DNAH2: variants seen among roughly 807,000 people sequenced by gnomAD.
DNAH2 encodes axonemal beta dynein heavy chain 2.
DNAH2 carries 323 observed loss-of-function variants against 523.5 expected under a neutral mutation model. The observed-to-expected ratio is 0.62, with a 90% CI of 0.56 to 0.68. DNAH2 has a LOEUF of 0.68. Ranked by LOEUF, DNAH2 falls within the 30% of genes least tolerant of loss-of-function variation. The probability of loss-of-function intolerance (pLI) is 0.00; values close to 1 mark genes in which losing one functional copy is unlikely to be tolerated. For missense variants in DNAH2, 4,907 were observed against 5,701.5 expected (o/e 0.86, Z 4.49); for synonymous variants, 2,093 against 2,177.4 (o/e 0.96, Z 1.08).
chr17:7,770,538 C>A lies in DNAH2; in HGVS notation c.4099-19C>A. The stretch of plus-strand genomic sequence containing the variant: ...TGAAGAGATACCTGACTGCTGTGTC[C>A]CCCAATTTCTCTCCACAGGCTTTAC... On this transcript the variant is annotated intron_variant, in intron 25 of 85. Transcript: ENST00000572933. The A allele has an allele frequency of 6.2e-7, 1 of 1,613,814 alleles. No individual in the cohort carries two copies. The highest frequency in any genetic ancestry group is 8.5e-7 in the Non-Finnish European group (1 of 1,179,774).
In DNAH2 at chr17:7,754,355, G is replaced by T. The variant is rs1163367981; in HGVS notation, c.1905-2736G>T. The stretch of plus-strand genomic sequence containing the variant: ...CTAGAATAGGCAGCCCAGGCTTCCG[G>T]TTCTAGGTGCTTCAGGAGCCGTGGC... On this transcript the variant is annotated intron_variant, in intron 12 of 85. Transcript: ENST00000572933. The surrounding 1 kb of genome is among the most constrained non-coding windows in gnomAD (Gnocchi z 4.6). 1.2e-5 allele frequency: 6 copies of T among 499,668 alleles called. 1 individual carries two copies. Among genetic ancestry groups the T allele is most frequent in the Admixed American group, 6.5e-5 (2 of 30,820 alleles). The allele number at this position is 499,668 out of a possible 1,614,324, so 31.0% of individuals were successfully genotyped here.
intron 63 of DNAH2, among the ~76,000 whole-genome samples, chr17:7,813,555 C>T (rs892265657): frequency 2.0e-5 from 3 of 151,754 alleles, no homozygotes; most frequent in Admixed American, 6.6e-5. Context: ...GATTTGGAAA[C>T]AAGTAAAAAA....
chr17:7,727,934 T>A (rs1245806531), intron 4 of DNAH2, among the ~76,000 whole-genome samples: 1 of 151,912 alleles, frequency 6.6e-6, no homozygotes, highest in Non-Finnish European at 1.5e-5. Context: ...CTATTTGAGC[T>A]GGGATGAAGG....
rs1352524123 is a variant in DNAH2 at position 7,817,555 on chromosome 17, C to T, written c.10021-6C>T. 1 of 1,614,096 alleles carries T rather than the reference C, an allele frequency of 6.2e-7. No homozygotes were observed. Among genetic ancestry groups the T allele is most frequent in the South Asian group, 1.1e-5 (1 of 91,084 alleles). On this transcript the variant is annotated splice_polypyrimidine_tract_variant and splice_region_variant and intron_variant, in intron 65 of 85. Coordinates refer to ENST00000572933, the MANE Select transcript of DNAH2 (RefSeq NM_020877.5). ...AAGTTAAAGCATGGGGCTTTTCTCT[C>T]CCCAGATCTGGGAGCTTCAGGTTCC...
At chr17:7,728,652 G>C (rs1162181744) in intron 4 of DNAH2, among the ~76,000 whole-genome samples, 1 of 152,198 alleles carries the variant, frequency 6.6e-6, no homozygotes, top group Non-Finnish European at 1.5e-5. Flanking sequence ...AGGAGCCACA[G>C]CTTGTTTCGG....
intron 63 of DNAH2, among the ~76,000 whole-genome samples, chr17:7,809,715 T>G (rs1170413958): frequency 6.6e-6 from 1 of 152,010 alleles, no homozygotes; most frequent in African/African-American, 2.4e-5. Context: ...CAGTGTTAGG[T>G]ATTTTGGTGG....
chr17:7,771,435 G>A lies in DNAH2; in HGVS notation c.4468G>A (p.Asp1490Asn). The change falls in exon 28 of 86, where the codon GAC (aspartate) becomes AAC (asparagine). Residue 1490 changes from aspartate (D) to asparagine (N), a missense_variant. By Grantham distance (23) the Asp-to-Asn change is conservative (BLOSUM62 1). This residue lies in a region of DNAH2 where 2,806 missense variants were observed against 3,190.8 expected (regional missense o/e 0.88). Transcript: ENST00000572933. ...WKAIMDRMNK[D>N]NNALRSTHHP... ...AGCCATCATGGACAGGATGAACAAG[G>A]ACAACAATGCTCTCCGGAGCACCCA... 1 of 1,613,994 alleles carries A rather than the reference G, an allele frequency of 6.2e-7. No individual in the cohort carries two copies. Among genetic ancestry groups the A allele is most frequent in the Non-Finnish European group, 8.5e-7 (1 of 1,179,902 alleles).
intron 44 of DNAH2, among the ~76,000 whole-genome samples, chr17:7,790,909 G>A (rs1246044139): frequency 1.3e-5 from 2 of 151,858 alleles, no homozygotes; most frequent in Non-Finnish European, 2.9e-5. Context: ...GTTTCACTAT[G>A]TTATTCAGGC....
At chr17:7,762,072 A>G (rs2076020551) in intron 18 of DNAH2, among the ~76,000 whole-genome samples, 1 of 152,140 alleles carries the variant, frequency 6.6e-6, no homozygotes, top group Non-Finnish European at 1.5e-5. Context: ...GGTTTTCTGT[A>G]TTCTCTGGGC....
chr17:7,793,530 CTTTCTT>C (rs879606606), intron 48 of DNAH2, among the ~76,000 whole-genome samples: 2,631 of 131,994 alleles, frequency 0.02, 85 homozygotes, highest in Non-Finnish European at 0.03. Flanking sequence ...CTTTCTCTTT[CTTTCTT>C]TTTCTTTCTT....
chr17:7,818,255 G>A, intron 68 of DNAH2, 57 bp from the exon 69 acceptor site: 1 of 1,605,414 alleles, frequency 6.2e-7, no homozygotes, highest in Non-Finnish European at 8.5e-7. Context: ...GGTGGGGGAT[G>A]GGTTAGCTGG....
chr17:7,824,143 G>A lies in DNAH2; in HGVS notation c.11501G>A (p.Arg3834Gln), dbSNP rs368019673. ...MKSVLEDSTP[R>Q]SPLVFILSPG... Reference sequence around the variant, plus strand: ...CAGGTGCTGGAGGATTCAACCCCACGATCCCCACTCGTGTTCATCCTGTCC... The same window carrying A: ...CAGGTGCTGGAGGATTCAACCCCACAATCCCCACTCGTGTTCATCCTGTCC... Residue 3834 changes from arginine (R) to glutamine (Q), a missense_variant, in exon 76 of 86, where the codon CGA becomes CAA. Transcript: ENST00000572933. 45 of 1,565,768 alleles carry A rather than the reference G, an allele frequency of 2.9e-5. No homozygotes were observed. The highest frequency in any genetic ancestry group is 1.7e-4 in the Middle Eastern group (1 of 5,880).
In DNAH2 at chr17:7,798,820, TGCCACACCCCC is replaced by T; in HGVS notation, c.8559+103_8559+113del. ...GAATGTGCCACTGGCACACCCCCAC[TGCCACACCCCC>T]ACTGCCCACCTCAGCCCTGTAAGGT... On this transcript the variant is annotated intron_variant, in intron 55 of 85. Coordinates refer to ENST00000572933, the MANE Select transcript of DNAH2 (RefSeq NM_020877.5). This position sits in a 1 kb window ranked among gnomAD's most constrained non-coding sequence, Gnocchi z 5.5. 2 of 756,970 alleles carry T rather than the reference TGCCACACCCCC, an allele frequency of 2.6e-6. No individual in the cohort carries two copies. The highest frequency in any genetic ancestry group is 3.9e-6 in the Non-Finnish European group (2 of 510,184). The allele number at this position is 756,970 out of a possible 1,614,324, so 46.9% of individuals were successfully genotyped here. A position where few individuals can be genotyped will look rare whatever the true frequency, so the allele number is the denominator to read the frequency against.
intron 3 of DNAH2, among the ~76,000 whole-genome samples, chr17:7,725,695 C>T (rs1256351126): frequency 8.3e-6 from 1 of 121,108 alleles, no homozygotes; most frequent in African/African-American, 3.0e-5. Flanking sequence ...CCCCCACCCC[C>T]ACTCCGGCCT....
intron 7 of DNAH2, among the ~76,000 whole-genome samples, chr17:7,735,342 G>T (rs747947417): frequency 6.6e-6 from 1 of 152,210 alleles, no homozygotes; most frequent in Non-Finnish European, 1.5e-5. Flanking sequence ...TGTTAGTCAG[G>T]CTGGTCTCAA....
Position 7,805,140 on chromosome 17 carries a change from T to C in DNAH2, c.9300+66T>C, listed in dbSNP as rs1227040606. On this transcript the variant is annotated intron_variant, in intron 60 of 85. Coordinates refer to ENST00000572933, the MANE Select transcript of DNAH2 (RefSeq NM_020877.5). Reference sequence around the variant, plus strand: ...GGCCCCGGGGAAGGGAATGGGCCAGTCTTCTTTGTCCTCAAAGACTCTGGG... The same window carrying C: ...GGCCCCGGGGAAGGGAATGGGCCAGCCTTCTTTGTCCTCAAAGACTCTGGG... 1.2e-5 allele frequency: 19 copies of C among 1,597,572 alleles called. No homozygotes were observed. In the East Asian group the frequency reaches 2.7e-4, roughly 23 times the overall value.
At chr17:7,777,720 T>C (rs1210547060) in intron 33 of DNAH2, 86 bp downstream of exon 33, 6 of 1,522,996 alleles carry the variant, frequency 3.9e-6, no homozygotes, top group Non-Finnish European at 5.4e-6. Flanking sequence ...AATGCAAGGA[T>C]ATCCTAAGCC....
intron 30 of DNAH2, among the ~76,000 whole-genome samples, 160 bp downstream of exon 30, chr17:7,775,502 A>G (rs536785803): frequency 6.6e-6 from 1 of 152,228 alleles, no homozygotes; most frequent in South Asian, 2.1e-4. Context: ...CCTGACCAAC[A>G]TGGAGAAACC....
At chr17:7,740,580 C>T in intron 10 of DNAH2, 31 bp downstream of exon 10, 1 of 1,609,132 alleles carries the variant, frequency 6.2e-7, no homozygotes, top group Non-Finnish European at 8.5e-7. Context: ...CCTCGGCTTC[C>T]CGTCCCGCGT....
Sources: gnomAD v4.1 joint callset for allele counts (sites outside exome capture counted in the v4.1 genomes callset) on GRCh38, gnomAD v4.1.1 for gene constraint, gnomAD v4.1.1 regional missense constraint, Gnocchi (gnomAD v3.1) non-coding constraint, MANE v1.5 for transcripts, NCBI Gene and HGNC (gene_info 2026-07-23, HGNC 2026-07-21) for gene names.